The following NRG4 variants were observed in gnomAD, a reference collection of about 807,000 sequenced individuals.
NRG4 encodes the protein neuregulin 4.
In NRG4, 10 loss-of-function variants were observed where a neutral mutation model predicts 15.0. The observed-to-expected ratio is 0.67, with a 90% CI of 0.41 to 1.13. NRG4 has a LOEUF of 1.13. NRG4 is among the 50% of genes most tolerant of loss of function. The pLI is 0.00. For missense variants in NRG4, 139 were observed against 140.2 expected (o/e 0.99, Z 0.04); for synonymous variants, 41 against 50.1 (o/e 0.82, Z 0.77).
At chr15:76,037,666 C>T (rs2035625781) in intron 4 of NRG4, among the ~76,000 whole-genome samples, 1 of 152,068 alleles carries the variant, frequency 6.6e-6, no homozygotes, top group African/African-American at 2.4e-5. Context: ...GGCTTGGAGC[C>T]AGTGGACTTA....
rs1391749238 is a variant in NRG4, at chr15:75,968,362, C to T, written c.105-6388G>A. Reference sequence around the variant, plus strand: ...CAGCACTTTGGGAGGCTGAGGTGGGCGGATCACGTCAGGTCAGGAGTTCGA... The same window carrying T: ...CAGCACTTTGGGAGGCTGAGGTGGGTGGATCACGTCAGGTCAGGAGTTCGA... On this transcript the variant is annotated intron_variant, in intron 3 of 5. Transcript: ENST00000394907. Among the ~76,000 whole-genome samples, 8 of 151,932 alleles carry T rather than the reference C, an allele frequency of 5.3e-5. No individual in the cohort carries two copies. The East Asian group carries it at 1.4e-3, about 26-fold the overall frequency.
rs1351619092 is a variant in NRG4 at position 75,977,470 on chromosome 15, T to C, written c.105-15496A>G. Among the ~76,000 whole-genome samples, 1 of 152,226 alleles carries C rather than the reference T, an allele frequency of 6.6e-6. No homozygotes were observed. Among genetic ancestry groups the C allele is most frequent in the East Asian group, 1.9e-4 (1 of 5,194 alleles). On this transcript the variant is annotated intron_variant, in intron 3 of 5. Coordinates refer to ENST00000394907, the MANE Select transcript of NRG4 (RefSeq NM_138573.4). This position sits in a 1 kb window ranked among gnomAD's most constrained non-coding sequence, Gnocchi z 4.9. ...GGTGTAGGCACCCGAGGGAATCTCC[T>C]GGTCTGCGGGTTGCAAAGACCATGG...
intron 5 of NRG4, among the ~76,000 whole-genome samples, chr15:76,023,902 C>G (rs2035233117): frequency 6.6e-6 from 1 of 152,200 alleles, no homozygotes; most frequent in Non-Finnish European, 1.5e-5. Flanking sequence ...TGCACACTCT[C>G]CCCTAAGCTA....
intron 5 of NRG4, among the ~76,000 whole-genome samples, chr15:76,021,244 A>G (rs2035142890): frequency 6.6e-6 from 1 of 152,224 alleles, no homozygotes; most frequent in Admixed American, 6.5e-5. Context: ...TTGACTAAAT[A>G]TCTTAAGTCC....
intron 5 of NRG4, among the ~76,000 whole-genome samples, chr15:76,018,930 C>G (rs1207098932): frequency 6.6e-6 from 1 of 152,130 alleles, no homozygotes; most frequent in Non-Finnish European, 1.5e-5. Flanking sequence ...GTGCCCACAG[C>G]CACCCCTTCC....
Position 76,009,253 on chromosome 15 carries a change from G to A in NRG4, c.51C>T (p.Cys17=), listed in dbSNP as rs2034719340. Residue 17 remains cysteine, a synonymous_variant, in exon 3 of 6, where the codon TGC becomes TGT. Transcript: ENST00000394907. Reference sequence around the variant, plus strand: ...TCACATAACAAAGCCCCCCATTCAGGCAAAACGACTTGTGACTGGGACCAC... The same window carrying A: ...TCACATAACAAAGCCCCCCATTCAGACAAAACGACTTGTGACTGGGACCAC... The part of the protein sequence containing the change: ...EPCGPSHKSF[C]LNGGLCYVIP... The A allele has an allele frequency of 1.9e-6, 3 of 1,603,696 alleles. No individual in the cohort carries two copies. Among genetic ancestry groups the A allele is most frequent in the South Asian group, 2.2e-5 (2 of 89,980 alleles).
At chr15:76,035,607 T>A (rs1274676644) in intron 5 of NRG4, among the ~76,000 whole-genome samples, 1 of 151,932 alleles carries the variant, frequency 6.6e-6, no homozygotes, top group Non-Finnish European at 1.5e-5. Context: ...GTTATAGAAA[T>A]ACATTTTAGG....
At chr15:75,964,771 A>G (rs764645445) in intron 3 of NRG4, among the ~76,000 whole-genome samples, 1 of 151,930 alleles carries the variant, frequency 6.6e-6, no homozygotes, top group Non-Finnish European at 1.5e-5. Flanking sequence ...TACAAAAAAT[A>G]ACAAAAATTA....
At chr15:75,967,456 ATT>A (rs71140189) in intron 3 of NRG4, among the ~76,000 whole-genome samples, 169 of 100,198 alleles carry the variant, frequency 1.7e-3, no homozygotes, top group African/African-American at 5.5e-3. Context: ...AAAATCTTAG[ATT>A]TTTTTTTTTT....
At chr15:75,948,282 C>G (rs2031652993) in intron 5 of NRG4, among the ~76,000 whole-genome samples, 1 of 151,514 alleles carries the variant, frequency 6.6e-6, no homozygotes, top group African/African-American at 2.4e-5. Flanking sequence ...AATTTTAGCT[C>G]TTACGTTTAG....
At chr15:76,021,239 TAAA>T (rs2141927546) in intron 5 of NRG4, among the ~76,000 whole-genome samples, 1 of 152,350 alleles carries the variant, frequency 6.6e-6, no homozygotes, top group Non-Finnish European at 1.5e-5. Flanking sequence ...CATGGTTGAC[TAAA>T]TATCTTAAGT....
In NRG4 at chr15:76,044,239, T is replaced by C. The variant is rs534638710; in HGVS notation, c.-105+7828A>G. Among the ~76,000 whole-genome samples the C allele has an allele frequency of 3.1e-3, 461 of 149,756 alleles. 24 individuals carry two copies. Among genetic ancestry groups the C allele is most frequent in the African/African-American group, 0.011 (439 of 40,132 alleles). The stretch of plus-strand genomic sequence containing the variant: ...GGATGGTCTCGATCTCCTGACCTCA[T>C]GATCCACCCGCCTCGGCCTCCCAAA... On this transcript the variant is annotated intron_variant, in intron 4 of 8. Transcript: ENST00000563910.
At position 76,005,088 on chromosome 15, in the gene NRG4, A is replaced by C. The variant is rs375103709; in HGVS notation, c.104+4112T>G. The stretch of plus-strand genomic sequence containing the variant: ...AGAAAATGTTATTAAGAAACTCATA[A>C]GGGGGCTGGATGAAGTGGCTCATGC... On this transcript the variant is annotated intron_variant, in intron 3 of 5. Coordinates refer to ENST00000394907, the MANE Select transcript of NRG4 (RefSeq NM_138573.4). Among the ~76,000 whole-genome samples the C allele has an allele frequency of 1.1e-3, 174 of 152,250 alleles. 5 individuals carry two copies. In the South Asian group the frequency reaches 0.034, roughly 30 times the overall value.
chr15:75,992,728 G>A (rs2034064467), intron 3 of NRG4, among the ~76,000 whole-genome samples: 2 of 152,064 alleles, frequency 1.3e-5, no homozygotes, highest in South Asian at 4.1e-4. Context: ...ATGTAAATAT[G>A]TGTAATACAT....
chr15:76,034,759 C>A lies in NRG4; in HGVS notation c.-57+1185G>T, dbSNP rs186212464. 2.0e-3 allele frequency among the ~76,000 whole-genome samples: 304 copies of A among 152,200 alleles called. 1 individual carries two copies. The highest frequency in any genetic ancestry group is 3.4e-3 in the Admixed American group (52 of 15,284). ...GGAGAGGTACTACCACTAATCCCTG[C>A]AAAATTCCAAATTATGAGGTTCTTT... On this transcript the variant is annotated intron_variant, in intron 5 of 8. Coordinates refer to the NRG4 transcript ENST00000563910.
At position 75,977,309 on chromosome 15, in the gene NRG4, C is replaced by T. The variant is rs2033413440; in HGVS notation, c.105-15335G>A. Among the ~76,000 whole-genome samples, 1 of 152,180 alleles carries T rather than the reference C, an allele frequency of 6.6e-6. No homozygotes were observed. Among genetic ancestry groups the T allele is most frequent in the Middle Eastern group, 3.2e-3 (1 of 316 alleles). On this transcript the variant is annotated intron_variant, in intron 3 of 5. Coordinates refer to ENST00000394907, the MANE Select transcript of NRG4 (RefSeq NM_138573.4). The surrounding 1 kb of genome is among the most constrained non-coding windows in gnomAD (Gnocchi z 4.9). ...AGACCACTTGGCTCCCTGGCTTCAG[C>T]CCCCTTTCCAGGGGAGTGAACGGTT...
intron 1 of NRG4, among the ~76,000 whole-genome samples, chr15:76,057,560 T>G (rs1195336669): frequency 3.3e-5 from 5 of 152,112 alleles, no homozygotes; most frequent in African/African-American, 1.2e-4. Flanking sequence ...AAGTTTTCAA[T>G]ACCCTAAAAA....
chr15:76,035,010 T>C lies in NRG4; in HGVS notation c.-57+934A>G, dbSNP rs138789451. On this transcript the variant is annotated intron_variant, in intron 5 of 8. Coordinates refer to the NRG4 transcript ENST00000563910. ...CCATTTCCACAGAGCCAGCCTGCCA[T>C]TGAACGGCAGGCACAAGTTAATCAA... Among the ~76,000 whole-genome samples the C allele has an allele frequency of 5.9e-5, 9 of 152,368 alleles. No homozygotes were observed. The East Asian group carries it at 7.7e-4, about 13-fold the overall frequency.
chr15:75,944,919 CA>C (rs1267810499), intron 5 of NRG4, among the ~76,000 whole-genome samples: 3 of 150,478 alleles, frequency 2.0e-5, no homozygotes, highest in East Asian at 1.9e-4. Context: ...CTTTTTCTTA[CA>C]AAAAAACAAC....
Sources: allele counts gnomAD v4.1 joint callset (sites outside exome capture counted in the v4.1 genomes callset), GRCh38; gene constraint gnomAD v4.1.1; non-coding constraint Gnocchi (gnomAD v3.1); transcripts MANE v1.5; gene names NCBI Gene and HGNC (gene_info 2026-07-23, HGNC 2026-07-21).